The following UNC13B variants were observed in gnomAD, a reference collection of about 807,000 sequenced individuals.
UNC13B encodes the protein unc-13 homolog B, also known as protein unc-13 homolog B.
In UNC13B, 144 loss-of-function variants were observed where a neutral mutation model predicts 211.0. The observed-to-expected ratio is 0.68, with a 90% CI of 0.60 to 0.78. The LOEUF is 0.78. Among genes scored for constraint, UNC13B ranks in the 30% least tolerant of loss-of-function variants. UNC13B has a pLI of 0.00. For missense variants in UNC13B, 1,777 were observed against 2,002.0 expected (o/e 0.89, Z 2.14); for synonymous variants, 709 against 725.8 (o/e 0.98, Z 0.37).
chr9:35,183,271 T>A (rs1186733827), intron 1 of UNC13B, among the ~76,000 whole-genome samples: 1 of 115,556 alleles, frequency 8.7e-6, no homozygotes, highest in Non-Finnish European at 1.7e-5. Context: ...GCCCCTCACC[T>A]CCCAGGCGGG....
intron 1 of UNC13B, among the ~76,000 whole-genome samples, chr9:35,213,774 C>G (rs1824101667): frequency 6.6e-6 from 1 of 152,084 alleles, no homozygotes; most frequent in Non-Finnish European, 1.5e-5. Context: ...TATTCATAAC[C>G]AGAGGCTTGT....
At chr9:35,355,977 G>C (rs1012817373) in intron 11 of UNC13B, among the ~76,000 whole-genome samples, 3 of 152,172 alleles carry the variant, frequency 2.0e-5, no homozygotes, top group Non-Finnish European at 4.4e-5. Flanking sequence ...ATCCTTCTAG[G>C]CAATGCAGAA....
intron 5 of UNC13B, among the ~76,000 whole-genome samples, chr9:35,238,426 A>G (rs1348621935): frequency 1.3e-5 from 2 of 152,090 alleles, no homozygotes; most frequent in Non-Finnish European, 2.9e-5. Flanking sequence ...ATCATACCCT[A>G]TGTAATATTT....
At chr9:35,384,222 C>G in intron 21 of UNC13B, 24 bp from the exon 22 acceptor site, 2 of 1,613,360 alleles carry the variant, frequency 1.2e-6, no homozygotes, top group East Asian at 2.2e-5. Flanking sequence ...TTTTTCTTCC[C>G]CTTTATTTGT....
intron 11 of UNC13B, chr9:35,352,615 G>C: frequency 8.1e-7 from 1 of 1,232,126 alleles, no homozygotes; most frequent in East Asian, 3.2e-5. Flanking sequence ...AGGATCAACA[G>C]AGAGAGCACC....
Position 35,375,196 on chromosome 9 carries a change from GAGCTGGT to G in UNC13B, c.9612_9615+3del. The G allele has an allele frequency of 1.2e-6, 2 of 1,614,108 alleles. No individual in the cohort carries two copies. The highest frequency in any genetic ancestry group is 1.7e-6 in the Non-Finnish European group (2 of 1,179,948). On this transcript the variant is annotated splice_donor_variant and coding_sequence_variant, in exon 14 of 40. Coordinates refer to ENST00000635942, the MANE Select transcript of UNC13B (RefSeq NM_001371189.2). LOFTEE classifies it high-confidence loss of function. The stretch of plus-strand genomic sequence containing the variant: ...TACACGCACTTCTCTTAAGGACGAA[GAGCTGGT>G]AAGTGTCCCAAGTGCTTTCGTAAGT...
chr9:35,403,638 G>A lies in UNC13B; in HGVS notation c.12737+39G>A, dbSNP rs201041527. On this transcript the variant is annotated intron_variant, in intron 39 of 39. Transcript: ENST00000635942. ...GGGACATACAGGACTCTGGGATGGG[G>A]GTAAGACTTGAGGGGTGGGGGGAGA... 3.0e-4 allele frequency: 408 copies of A among 1,375,204 alleles called. 1 individual carries two copies. Among genetic ancestry groups the A allele is most frequent in the Non-Finnish European group, 3.8e-4 (382 of 1,005,364 alleles). 85.2% of individuals were successfully genotyped at this position (1,375,204 alleles called of 1,614,324 possible). A position where few individuals can be genotyped will look rare whatever the true frequency, so the allele number is the denominator to read the frequency against.
chr9:35,393,054 T>G (rs1456519570), intron 26 of UNC13B, among the ~76,000 whole-genome samples: 2 of 152,194 alleles, frequency 1.3e-5, no homozygotes, highest in Non-Finnish European at 2.9e-5. Context: ...CACCAAATGT[T>G]TATTGAATAT....
intron 2 of UNC13B, among the ~76,000 whole-genome samples, chr9:35,229,827 T>G (rs1222863526): frequency 6.6e-6 from 1 of 152,220 alleles, no homozygotes; most frequent in Non-Finnish European, 1.5e-5. Flanking sequence ...AAAGAAAGAC[T>G]TACCTTCAGC....
In UNC13B at chr9:35,300,908, GAACAGAGA is replaced by G. The variant is rs1365647926; in HGVS notation, c.1506_1513del (p.Glu502AspfsTer15). 3 of 398,854 alleles carry G rather than the reference GAACAGAGA, an allele frequency of 7.5e-6. No individual in the cohort carries two copies. Among genetic ancestry groups the G allele is most frequent in the African/African-American group, 6.2e-5 (3 of 48,622 alleles). The allele number at this position is 398,854 out of a possible 1,614,324, so 24.7% of individuals were successfully genotyped here. A position where few individuals can be genotyped will look rare whatever the true frequency, so the allele number is the denominator to read the frequency against. On this transcript the variant is annotated frameshift_variant, in exon 9 of 40. Coordinates refer to ENST00000635942, the MANE Select transcript of UNC13B (RefSeq NM_001371189.2). LOFTEE classifies it high-confidence loss of function. ...TAAACAAAATAGTACTCTTGATGCA[GAACAGAGA>G]ACGCCTGGGGATCAAATACCACCTT... is the stretch of plus-strand genomic sequence containing the variant.
intron 5 of UNC13B, among the ~76,000 whole-genome samples, chr9:35,240,269 A>G (rs141021415): frequency 0.014 from 2,179 of 152,014 alleles, 35 homozygotes; most frequent in Middle Eastern, 0.027. Context: ...AGTTTAGTTG[A>G]TTTCTATTAG....
intron 1 of UNC13B, among the ~76,000 whole-genome samples, chr9:35,174,865 C>T (rs961618272): frequency 6.6e-6 from 1 of 151,360 alleles, no homozygotes; most frequent in African/African-American, 2.4e-5. Flanking sequence ...GGATTACAGG[C>T]ATGAGCCACC....
In UNC13B at chr9:35,227,999, C is replaced by T. The variant is rs199506548; in HGVS notation, c.23-16C>T. 8.6e-5 allele frequency: 138 copies of T among 1,611,068 alleles called. No individual in the cohort carries two copies. The African/African-American group carries it at 1.5e-3, about 17-fold the overall frequency. On this transcript the variant is annotated splice_polypyrimidine_tract_variant and intron_variant, in intron 1 of 39. Coordinates refer to ENST00000635942, the MANE Select transcript of UNC13B (RefSeq NM_001371189.2). ...TTGGAAACATTCTTCATGGTATCCT[C>T]TTTTTTCTCTTGCAGTTAAAAGGGC...
intron 1 of UNC13B, among the ~76,000 whole-genome samples, chr9:35,215,082 T>C (rs1249437193): frequency 1.3e-5 from 2 of 152,172 alleles, no homozygotes; most frequent in Non-Finnish European, 2.9e-5. Context: ...AGAAAGACTA[T>C]TGAGTAGAAC....
At chr9:35,379,267 G>A (rs1331011741) in intron 17 of UNC13B, among the ~76,000 whole-genome samples, 2 of 152,186 alleles carry the variant, frequency 1.3e-5, no homozygotes, top group East Asian at 3.9e-4. Context: ...GGCCAACATG[G>A]CAAAACCCCA....
rs892483651 is a variant in UNC13B at position 35,242,177 on chromosome 9, G to A, written c.395-1114G>A. On this transcript the variant is annotated intron_variant, in intron 5 of 39. Transcript: ENST00000635942. ...ATACCATTATACCATTATTTTTTAA[G>A]AATTCAAATATTTTCACTTAGAGAC... Among the ~76,000 whole-genome samples, 3 of 152,050 alleles carry A rather than the reference G, an allele frequency of 2.0e-5. No individual in the cohort carries two copies. The South Asian group carries it at 6.2e-4, about 31-fold the overall frequency.
At chr9:35,231,006 T>C in intron 2 of UNC13B, 114 bp from the exon 3 acceptor site, 1 of 673,452 alleles carries the variant, frequency 1.5e-6, no homozygotes, top group Non-Finnish European at 2.5e-6. Flanking sequence ...TAGCTTAATT[T>C]TTTCCTGCAC....
chr9:35,305,933 G>C lies in UNC13B; in HGVS notation c.6529G>C (p.Ala2177Pro), dbSNP rs1829901489. ...TGAAAAATCTGAGAACAGAGCCTCTGCTACTCTACCAAGAGCCAAATCTCA... is the reference window on the plus strand; with the variant it reads ...TGAAAAATCTGAGAACAGAGCCTCTCCTACTCTACCAAGAGCCAAATCTCA... The part of the protein sequence containing the change: ...GSEKSENRAS[A>P]TLPRAKSQAE... Residue 2177 changes from alanine (A) to proline (P), a missense_variant, in exon 9 of 40, where the codon GCT becomes CCT. Physicochemically the swap from Ala to Pro is conservative, Grantham distance 27. Coordinates refer to ENST00000635942, the MANE Select transcript of UNC13B (RefSeq NM_001371189.2). The C allele has an allele frequency of 2.5e-6, 1 of 398,946 alleles. No homozygotes were observed. The highest frequency in any genetic ancestry group is 4.4e-6 in the Non-Finnish European group (1 of 226,030). The allele number at this position is 398,946 out of a possible 1,614,324, so 24.7% of individuals were successfully genotyped here.
At chr9:35,393,872 A>T (rs1835704623) in intron 26 of UNC13B, among the ~76,000 whole-genome samples, 1 of 152,016 alleles carries the variant, frequency 6.6e-6, no homozygotes, top group Non-Finnish European at 1.5e-5. Flanking sequence ...CATCCAGCTG[A>T]CTTTTGGACT....
Sources: gnomAD v4.1 joint callset for allele counts (sites outside exome capture counted in the v4.1 genomes callset) on GRCh38, gnomAD v4.1.1 for gene constraint, MANE v1.5 for transcripts, NCBI Gene and HGNC (gene_info 2026-07-23, HGNC 2026-07-21) for gene names.